The following KIAA0825 variants were observed in gnomAD, a reference collection of about 807,000 sequenced individuals.
KIAA0825 encodes the protein KIAA0825, also known as uncharacterized protein KIAA0825.
A neutral mutation model predicts 147.6 loss-of-function variants in KIAA0825; 119 were observed. The ratio of observed to expected loss-of-function variants is 0.81; its 90% CI spans 0.69 to 0.94. KIAA0825 has a LOEUF of 0.94. Among genes scored for constraint, KIAA0825 ranks in the 40% least tolerant of loss-of-function variants. The pLI is 0.00. For missense variants in KIAA0825, 1,381 were observed against 1,472.7 expected (o/e 0.94, Z 1.02); for synonymous variants, 470 against 518.1 (o/e 0.91, Z 1.26).
intron 20 of KIAA0825, among the ~76,000 whole-genome samples, chr5:94,211,987 C>T (rs1429739935): frequency 6.6e-6 from 1 of 152,080 alleles, no homozygotes; most frequent in African/African-American, 2.4e-5. Flanking sequence ...TATGAATACA[C>T]GATGTTACTC....
intron 13 of KIAA0825, among the ~76,000 whole-genome samples, chr5:94,451,334 C>T (rs756165210): frequency 2.9e-4 from 44 of 152,022 alleles, no homozygotes; most frequent in Non-Finnish European, 6.0e-4. Context: ...AATAATGTGC[C>T]GATGGATATC....
intron 2 of KIAA0825, among the ~76,000 whole-genome samples, chr5:94,579,104 T>C (rs777382795): frequency 1.1e-4 from 16 of 152,142 alleles, no homozygotes; most frequent in Non-Finnish European, 2.1e-4. Flanking sequence ...GTATTTTTAG[T>C]AGAGACGGGG....
At chr5:94,614,328 A>T (rs574928912) in intron 1 of KIAA0825, among the ~76,000 whole-genome samples, 19 of 152,276 alleles carry the variant, frequency 1.2e-4, no homozygotes, top group Non-Finnish European at 2.2e-4. Flanking sequence ...CCTTTTTGGC[A>T]TATTTGTACA....
intron 11 of KIAA0825, among the ~76,000 whole-genome samples, chr5:94,463,000 C>CA (rs1250060083): frequency 6.6e-6 from 1 of 151,526 alleles, no homozygotes; most frequent in Non-Finnish European, 1.5e-5. Context: ...TGTAAGCTGT[C>CA]AAAAAAAGTT....
chr5:94,593,282 TA>T, intron 1 of KIAA0825: 1 of 773,796 alleles, frequency 1.3e-6, no homozygotes, highest in Non-Finnish European at 2.4e-6. Flanking sequence ...TTTAGTCCAT[TA>T]ATGGGAAAAA....
chr5:94,236,739 C>A (rs1339071390), intron 20 of KIAA0825, among the ~76,000 whole-genome samples: 1 of 152,206 alleles, frequency 6.6e-6, no homozygotes, highest in African/African-American at 2.4e-5. Flanking sequence ...GCAACCACCA[C>A]TCTGACTAGT....
At chr5:94,174,891 C>A (rs1768949400) in intron 20 of KIAA0825, among the ~76,000 whole-genome samples, 1 of 152,096 alleles carries the variant, frequency 6.6e-6, no homozygotes. Context: ...AGAATTTATA[C>A]ACTGACTCAC....
chr5:94,342,091 G>A (rs960339219), intron 20 of KIAA0825, among the ~76,000 whole-genome samples: 1 of 152,014 alleles, frequency 6.6e-6, no homozygotes, highest in East Asian at 1.9e-4. Flanking sequence ...AGCTACTTGG[G>A]AGGCTGAGGC....
At chr5:94,590,765 T>C (rs1406955890) in intron 1 of KIAA0825, among the ~76,000 whole-genome samples, 1 of 152,202 alleles carries the variant, frequency 6.6e-6, no homozygotes, top group East Asian at 1.9e-4. Context: ...GTAACATTGG[T>C]TATCTAAGGA....
At chr5:94,443,032 G>T (rs111325230) in intron 13 of KIAA0825, among the ~76,000 whole-genome samples, 1 of 152,018 alleles carries the variant, frequency 6.6e-6, no homozygotes, top group Non-Finnish European at 1.5e-5. Context: ...ACTTTATGCC[G>T]CTGTATCTGA....
At chr5:94,305,219 TAATAA>T (rs1778646897) in intron 20 of KIAA0825, among the ~76,000 whole-genome samples, 1 of 152,002 alleles carries the variant, frequency 6.6e-6, no homozygotes, top group Non-Finnish European at 1.5e-5. Flanking sequence ...TAATTTATAT[TAATAA>T]AATAATGACC....
intron 20 of KIAA0825, among the ~76,000 whole-genome samples, chr5:94,323,425 A>G (rs1223074327): frequency 6.6e-6 from 1 of 151,820 alleles, no homozygotes; most frequent in Non-Finnish European, 1.5e-5. Context: ...GTTACGTGTT[A>G]TGTCTCTCCA....
At chr5:94,341,201 C>T (rs1426445411) in intron 20 of KIAA0825, among the ~76,000 whole-genome samples, 1 of 152,132 alleles carries the variant, frequency 6.6e-6, no homozygotes, top group Non-Finnish European at 1.5e-5. Context: ...TTCTAATATA[C>T]TATGTAAGCA....
chr5:94,464,518 A>G (rs1027975384), intron 11 of KIAA0825, among the ~76,000 whole-genome samples: 1 of 152,210 alleles, frequency 6.6e-6, no homozygotes, highest in Non-Finnish European at 1.5e-5. Flanking sequence ...TGTCAAATTG[A>G]CTGCTCCATC....
chr5:94,463,558 A>C (rs1257498400), intron 11 of KIAA0825, among the ~76,000 whole-genome samples: 3 of 151,406 alleles, frequency 2.0e-5, no homozygotes, highest in Non-Finnish European at 4.4e-5. Context: ...TTTCTAATCC[A>C]ATATATATGG....
intron 20 of KIAA0825, among the ~76,000 whole-genome samples, chr5:94,245,567 C>T (rs1405902226): frequency 6.6e-6 from 1 of 152,130 alleles, no homozygotes; most frequent in Non-Finnish European, 1.5e-5. Flanking sequence ...TCTGAATTGA[C>T]CAAGTTCTAG....
intron 4 of KIAA0825, among the ~76,000 whole-genome samples, chr5:94,523,589 C>A (rs1338628895): frequency 6.6e-6 from 1 of 151,398 alleles, no homozygotes; most frequent in African/African-American, 2.4e-5. Context: ...TGAAAGGATA[C>A]AAAACATAAT....
chr5:94,414,601 A>G (rs1044725539), intron 15 of KIAA0825: 4 of 152,206 alleles, frequency 2.6e-5, no homozygotes, highest in African/African-American at 9.7e-5. Context: ...TAAGTATAAA[A>G]TCAGATTGTA....
chr5:94,516,663 C>T (rs991917960), intron 5 of KIAA0825, among the ~76,000 whole-genome samples: 3 of 148,802 alleles, frequency 2.0e-5, no homozygotes, highest in Non-Finnish European at 4.5e-5. Context: ...CAGTGGCGGG[C>T]GCCTGTAGTC....
Sources: gnomAD v4.1 joint callset for allele counts (sites outside exome capture counted in the v4.1 genomes callset) on GRCh38, gnomAD v4.1.1 for gene constraint, MANE v1.5 for transcripts, NCBI Gene and HGNC (gene_info 2026-07-23, HGNC 2026-07-21) for gene names.